Variants in SYCP2 observed in about 807,000 individuals in gnomAD.
SYCP2 encodes the protein synaptonemal complex lateral element protein.
Under a neutral mutation model 211.3 loss-of-function variants are expected in SYCP2, and 55 were observed. The observed-to-expected ratio is 0.26, with a 90% CI of 0.21 to 0.33. The LOEUF is 0.33. Ranked by LOEUF, SYCP2 falls within the 10% of genes least tolerant of loss-of-function variation. The probability of loss-of-function intolerance (pLI) is 1.00; values close to 1 mark genes in which losing one functional copy is unlikely to be tolerated. For synonymous variants in SYCP2, 570 were observed against 555.2 expected (o/e 1.03, Z -0.37); for missense variants, 1,731 against 1,752.0 (o/e 0.99, Z 0.21).
chr20:59,866,582 T>C lies in SYCP2; in HGVS notation c.4133A>G (p.His1378Arg), dbSNP rs2059341140. ...SEFKRRNNIR[H>R]KMLSYFTTQS... ...CGTAGTAAAATAACTCAACATTTTATGTCGGATCTGAAAAATACTCATTTT... is the reference window on the plus strand; with the variant it reads ...CGTAGTAAAATAACTCAACATTTTACGTCGGATCTGAAAAATACTCATTTT... Residue 1378 changes from histidine to arginine, a missense_variant, in exon 40 of 45, where the codon CAT (histidine) becomes CGT (arginine). Physicochemically the swap from His to Arg is conservative, Grantham distance 29 (BLOSUM62 0). This residue lies in a region of SYCP2 where 1,387 missense variants were observed against 1,351.3 expected (regional missense o/e 1.03). Transcript: ENST00000357552. 15 of 1,592,598 alleles carry C rather than the reference T, an allele frequency of 9.4e-6. No individual in the cohort carries two copies. The highest frequency in any genetic ancestry group is 1.3e-5 in the Non-Finnish European group (15 of 1,171,202).
rs145281859 is a variant in SYCP2, at chr20:59,906,655, C to T, written c.1033+709G>A. ...GAGTCGACAAAAATTTTTTGGGTCA[C>T]GGAAAGCAATAACCATAAAAATAGA... On this transcript the variant is annotated intron_variant, in intron 15 of 44. Coordinates refer to ENST00000357552, the MANE Select transcript of SYCP2 (RefSeq NM_014258.4). 2.5e-3 allele frequency among the ~76,000 whole-genome samples: 375 copies of T among 151,936 alleles called. 1 individual carries two copies. Among genetic ancestry groups the T allele is most frequent in the Non-Finnish European group, 4.5e-3 (306 of 67,930 alleles).
intron 14 of SYCP2, among the ~76,000 whole-genome samples, chr20:59,908,460 A>T (rs550732166): frequency 6.6e-6 from 1 of 152,150 alleles, no homozygotes; most frequent in Non-Finnish European, 1.5e-5. Flanking sequence ...GGAAAGGGAC[A>T]GTATTCTAAG....
intron 1 of SYCP2, among the ~76,000 whole-genome samples, chr20:59,932,572 G>T (rs2060776611): frequency 6.6e-6 from 1 of 152,160 alleles, no homozygotes; most frequent in South Asian, 2.1e-4. Flanking sequence ...TACTCCGGAG[G>T]CTGAAGCAGG....
chr20:59,872,872 AG>A (rs2059480911), intron 35 of SYCP2, among the ~76,000 whole-genome samples: 1 of 152,096 alleles, frequency 6.6e-6, no homozygotes, highest in Admixed American at 6.6e-5. Context: ...AAAAATTACA[AG>A]TTGACAAAGT....
Position 59,901,788 on chromosome 20 carries a change from C to A in SYCP2, c.1056G>T (p.Leu352=), listed in dbSNP as rs765734853. ...TTACTGTATTTTTCAGAATTATTGTCAGTAGCTTCTTTGATTCTCTCACTG... is the reference window on the plus strand; with the variant it reads ...TTACTGTATTTTTCAGAATTATTGTAAGTAGCTTCTTTGATTCTCTCACTG... ...SIEVRESKKL[L]TIILKNTVKI... Residue 352 remains leucine (L), a synonymous_variant, in exon 16 of 45, where the codon CTG becomes CTT. Transcript: ENST00000357552. The A allele has an allele frequency of 1.9e-6, 3 of 1,597,652 alleles. No individual in the cohort carries two copies. The highest frequency in any genetic ancestry group is 8.5e-7 in the Non-Finnish European group (1 of 1,173,078).
chr20:59,902,603 G>C (rs899168660), intron 15 of SYCP2, among the ~76,000 whole-genome samples: 4 of 152,220 alleles, frequency 2.6e-5, no homozygotes. Context: ...ATCTGAAAAA[G>C]CTCTGCAGGC....
intron 28 of SYCP2, among the ~76,000 whole-genome samples, chr20:59,881,712 G>A (rs1418021763): frequency 6.8e-6 from 1 of 148,078 alleles, no homozygotes; most frequent in Non-Finnish European, 1.5e-5. Flanking sequence ...GGTAGTGAAG[G>A]CTTTCTACCC....
chr20:59,919,017 C>G (rs1455572891), intron 7 of SYCP2, 141 bp downstream of exon 7: 5 of 452,742 alleles, frequency 1.1e-5, no homozygotes, highest in Admixed American at 4.5e-5. Flanking sequence ...ATTATCTGGC[C>G]CTTTACAGTA....
chr20:59,874,640 G>T (rs1037594523), intron 34 of SYCP2, among the ~76,000 whole-genome samples: 2 of 151,964 alleles, frequency 1.3e-5, no homozygotes, highest in African/African-American at 4.8e-5. Context: ...TATACTAACT[G>T]ATTTAAGTCT....
Position 59,915,145 on chromosome 20 carries a change from T to C in SYCP2, c.634+20A>G, listed in dbSNP as rs373458715. ...TTCATAAATATGGAATAATTTTAGA[T>C]TTGGAAAAGACATACTTACCTCCAG... On this transcript the variant is annotated intron_variant, in intron 10 of 44. Coordinates refer to ENST00000357552, the MANE Select transcript of SYCP2 (RefSeq NM_014258.4). 18 of 1,490,882 alleles carry C rather than the reference T, an allele frequency of 1.2e-5. No homozygotes were observed. In the African/African-American group the frequency reaches 2.3e-4, roughly 19 times the overall value. The allele number at this position is 1,490,882 out of a possible 1,614,324, so 92.4% of individuals were successfully genotyped here.
rs893000293 is a variant in SYCP2 at position 59,916,625 on chromosome 20, G to A, written c.428-54C>T. 6 of 1,207,912 alleles carry A rather than the reference G, an allele frequency of 5.0e-6. No individual in the cohort carries two copies. In the Admixed American group the frequency reaches 6.9e-5, roughly 14 times the overall value. 74.8% of individuals were successfully genotyped at this position (1,207,912 alleles called of 1,614,324 possible). A position where few individuals can be genotyped will look rare whatever the true frequency, so the allele number is the denominator to read the frequency against. On this transcript the variant is annotated intron_variant, in intron 7 of 44. Transcript: ENST00000357552. ...ATGTTCATTTCAAATCCTCTTAACT[G>A]TCAGTCTTTTCTTATAAGAGTTAGT...
intron 26 of SYCP2, among the ~76,000 whole-genome samples, chr20:59,885,467 G>A (rs6070996): frequency 0.019 from 2,942 of 152,184 alleles, 41 homozygotes; most frequent in Middle Eastern, 0.041. Flanking sequence ...CTTACAGAGG[G>A]TGAACTTCAA....
At chr20:59,912,713 T>C (rs1393395434) in intron 12 of SYCP2, among the ~76,000 whole-genome samples, 2 of 152,200 alleles carry the variant, frequency 1.3e-5, no homozygotes, top group Non-Finnish European at 2.9e-5. Context: ...CCAAATCTCG[T>C]CTTGAATGGT....
At chr20:59,900,321 G>T (rs1438933012) in intron 17 of SYCP2, 37 bp from the exon 18 acceptor site, 1 of 1,517,836 alleles carries the variant, frequency 6.6e-7, no homozygotes, top group Non-Finnish European at 8.8e-7. Context: ...ATTTAAAACT[G>T]CAAACCACAG....
intron 18 of SYCP2, among the ~76,000 whole-genome samples, chr20:59,898,982 T>G (rs577588383): frequency 1.1e-4 from 17 of 152,250 alleles, no homozygotes; most frequent in South Asian, 6.2e-4. Context: ...GAGCCAAAAT[T>G]TATTCAGTCA....
Position 59,892,616 on chromosome 20 carries a change from A to G in SYCP2, c.1879T>C (p.Cys627Arg), listed in dbSNP as rs1246680293. 9 of 1,610,378 alleles carry G rather than the reference A, an allele frequency of 5.6e-6. No homozygotes were observed. In the East Asian group the frequency reaches 1.8e-4, roughly 32 times the overall value. Residue 627 changes from cysteine to arginine, a missense_variant, in exon 23 of 45, where the codon TGT becomes CGT. Physicochemically the swap from Cys to Arg is radical, Grantham distance 180. Around this residue, in one of 3 missense-constraint regions of SYCP2, gnomAD observed 1,387 missense variants for 1,351.3 expected, o/e 1.03. Coordinates refer to ENST00000357552, the MANE Select transcript of SYCP2 (RefSeq NM_014258.4). Reference sequence around the variant, plus strand: ...GAAGTACTTGCTCTTTGGTTATTACATAGTTCAATGTTTGTTACAGGTGTC... The same window carrying G: ...GAAGTACTTGCTCTTTGGTTATTACGTAGTTCAATGTTTGTTACAGGTGTC... ...CWTPVTNIEL[C>R]NNQRASTSSG... is the part of the protein sequence containing the mutation.
chr20:59,881,883 C>T, intron 28 of SYCP2, 62 bp downstream of exon 28: 1 of 1,319,134 alleles, frequency 7.6e-7, no homozygotes, highest in Non-Finnish European at 1.1e-6. Flanking sequence ...TATGTAATAA[C>T]TGCATGGTAA....
chr20:59,879,360 TTTCAAGA>T (rs765969351), intron 31 of SYCP2, among the ~76,000 whole-genome samples: 1,801 of 152,094 alleles, frequency 0.012, 127 homozygotes, highest in Admixed American at 0.099. Context: ...CTCACCTAAA[TTTCAAGA>T]TTCAGCTTCA....
In SYCP2 at chr20:59,869,939, T is replaced by C. The variant is rs1432295936; in HGVS notation, c.3600A>G (p.Lys1200=). 1 of 1,605,212 alleles carries C rather than the reference T, an allele frequency of 6.2e-7. No homozygotes were observed. Among genetic ancestry groups the C allele is most frequent in the Non-Finnish European group, 8.5e-7 (1 of 1,174,604 alleles). ...GTGTAAGTACCAGAGAACTTATTTT[T>C]TTTCTATTTACAATAGTATTACTCT... is the stretch of plus-strand genomic sequence containing the variant. The part of the protein sequence containing the change: ...PTKSNTIVNR[K]KISSLVLTQE... The change falls in exon 36 of 45, where the codon AAA becomes AAG. Residue 1200 remains lysine, a synonymous_variant. Transcript: ENST00000357552.
Sources: allele counts gnomAD v4.1 joint callset (sites outside exome capture counted in the v4.1 genomes callset), GRCh38; gene constraint gnomAD v4.1.1; regional missense constraint gnomAD v4.1.1; transcripts MANE v1.5; gene names NCBI Gene and HGNC (gene_info 2026-07-23, HGNC 2026-07-21).